CD4: variants seen among roughly 807,000 people sequenced by gnomAD.
The protein encoded by CD4 is T-cell surface glycoprotein CD4.
In CD4, 25 loss-of-function variants were observed where a neutral mutation model predicts 50.5. The ratio of observed to expected loss-of-function variants is 0.49; its 90% CI spans 0.36 to 0.69. The LOEUF (loss-of-function observed/expected upper bound fraction) is 0.69. CD4 is among the 30% of genes least tolerant of loss of function. The pLI is 0.00. For synonymous variants in CD4, 207 were observed against 221.9 expected (o/e 0.93, Z 0.60); for missense variants, 456 against 548.5 (o/e 0.83, Z 1.68).
At chr12:6,805,964 A>T (rs1312447647) in intron 3 of CD4, among the ~76,000 whole-genome samples, 1 of 151,980 alleles carries the variant, frequency 6.6e-6, no homozygotes, top group Non-Finnish European at 1.5e-5. Context: ...AAAAACAAAA[A>T]CAAAACCAAA....
chr12:6,804,110 CAAAATAAATAAA>C (rs1251119886), intron 3 of CD4, among the ~76,000 whole-genome samples: 5 of 89,782 alleles, frequency 5.6e-5, no homozygotes, highest in African/African-American at 2.2e-4. Flanking sequence ...GACTCTGTCT[CAAAATAAATAAA>C]TAAATAAATA....
At chr12:6,793,970 ATATCTATC>A (rs35782413) in intron 1 of CD4, among the ~76,000 whole-genome samples, 2 of 133,920 alleles carry the variant, frequency 1.5e-5, no homozygotes, top group East Asian at 2.1e-4. Flanking sequence ...CTATCTATCT[ATATCTATC>A]TATCTATCTA....
Position 6,790,056 on chromosome 12 carries a change from A to G in CD4, c.-68+394A>G, listed in dbSNP as rs28989525. Among the ~76,000 whole-genome samples, 443 of 152,272 alleles carry G rather than the reference A, an allele frequency of 2.9e-3. 5 individuals are homozygous for G. Among genetic ancestry groups the G allele is most frequent in the Admixed American group, 0.018 (277 of 15,290 alleles). ...GAAGAGGGGAAAAGAGGAGAAAAAG[A>G]GTGAAGAAGGGGAGGGAAAAAATTA... On this transcript the variant is annotated intron_variant, in intron 1 of 9. Transcript: ENST00000011653.
rs567960229 is a variant in CD4, at chr12:6,800,914, A to T, written c.214+443A>T. ...TCTCTATGAAAAAAAATATATATAT[A>T]TTTTTTTTGGAGACAAGGTCTAGTT... On this transcript the variant is annotated intron_variant, in intron 3 of 9. Transcript: ENST00000011653. Among the ~76,000 whole-genome samples the T allele has an allele frequency of 3.7e-4, 54 of 147,162 alleles. No homozygotes were observed. The South Asian group carries it at 6.8e-3, about 18-fold the overall frequency.
chr12:6,795,766 G>T (rs553738964), intron 1 of CD4, among the ~76,000 whole-genome samples: 1 of 152,200 alleles, frequency 6.6e-6, no homozygotes, highest in Non-Finnish European at 1.5e-5. Context: ...CCCAGGGCAG[G>T]GATAGAGTAG....
intron 3 of CD4, among the ~76,000 whole-genome samples, chr12:6,804,791 C>T (rs895268053): frequency 6.6e-5 from 10 of 151,536 alleles, no homozygotes; most frequent in African/African-American, 1.7e-4. Flanking sequence ...CTGAGGCGGG[C>T]GGATCATGAG....
chr12:6,793,060 C>T (rs1305647753), intron 1 of CD4, among the ~76,000 whole-genome samples: 2 of 152,074 alleles, frequency 1.3e-5, no homozygotes, highest in Non-Finnish European at 2.9e-5. Flanking sequence ...AGGATGCTAC[C>T]GTACTAGGGT....
intron 1 of CD4, among the ~76,000 whole-genome samples, chr12:6,793,686 A>G (rs1418331110): frequency 2.1e-5 from 2 of 95,118 alleles, no homozygotes; most frequent in African/African-American, 9.3e-5. Context: ...CTATCTATCT[A>G]TCTATCTATC....
Position 6,814,193 on chromosome 12 carries a change from A to G in CD4, c.266A>G (p.Gln89Arg). The change falls in exon 4 of 10, where the codon CAA becomes CGA. Residue 89 changes from glutamine to arginine, a missense_variant. Physicochemically the swap from Gln to Arg is conservative, Grantham distance 43 (BLOSUM62 1). Transcript: ENST00000011653. ...RADSRRSLWDQGNFPLIIKNL... is the reference protein window; with the variant it reads ...RADSRRSLWDRGNFPLIIKNL... Reference sequence around the variant, plus strand: ...GACTCAAGAAGAAGCCTTTGGGACCAAGGAAACTTTCCCCTGATCATCAAG... The same window carrying G: ...GACTCAAGAAGAAGCCTTTGGGACCGAGGAAACTTTCCCCTGATCATCAAG... The G allele has an allele frequency of 3.1e-6, 5 of 1,614,150 alleles. No individual in the cohort carries two copies. The South Asian group carries it at 3.3e-5, about 11-fold the overall frequency.
rs144413418 is a variant in CD4 at position 6,800,176 on chromosome 12, T to C, written c.38T>C (p.Val13Ala). The C allele has an allele frequency of 6.9e-5, 111 of 1,613,192 alleles. No individual in the cohort carries two copies. The African/African-American group carries it at 1.4e-3, about 20-fold the overall frequency. ...GTCCCTTTTAGGCACTTGCTTCTGG[T>C]GCTGCAACTGGGTAAGTTCTCAGAC... ...RGVPFRHLLL[V>A]LQLALLPAAT... The change falls in exon 2 of 10, where the codon GTG (valine) becomes GCG (alanine). Residue 13 changes from valine to alanine, a missense_variant. Coordinates refer to ENST00000011653, the MANE Select transcript of CD4 (RefSeq NM_000616.5).
chr12:6,815,870 G>T, intron 5 of CD4, 186 bp from the exon 6 acceptor site: 1 of 1,519,088 alleles, frequency 6.6e-7, no homozygotes, highest in South Asian at 1.2e-5. Context: ...GTAGGAAAAT[G>T]CTGGGTGGAA....
rs782493725 is a variant in CD4, at chr12:6,800,109, C to A, written c.-30C>A. 1 of 1,611,320 alleles carries A rather than the reference C, an allele frequency of 6.2e-7. No homozygotes were observed. The highest frequency in any genetic ancestry group is 1.3e-5 in the African/African-American group (1 of 74,898). On this transcript the variant is annotated 5_prime_UTR_variant, in exon 2 of 10. Transcript: ENST00000011653. The stretch of plus-strand genomic sequence containing the variant: ...CTGTGGGCTCAGGTCCCTACTGGCT[C>A]AGGCCCCTGCCTCCCTCGGCAAGGC...
intron 3 of CD4, among the ~76,000 whole-genome samples, chr12:6,802,274 C>T (rs1426668114): frequency 6.6e-6 from 1 of 151,862 alleles, no homozygotes; most frequent in African/African-American, 2.4e-5. Context: ...ACTTCTATCA[C>T]TCAGAGATAT....
intron 3 of CD4, among the ~76,000 whole-genome samples, chr12:6,809,316 C>A (rs536492542): frequency 6.6e-6 from 1 of 151,984 alleles, no homozygotes; most frequent in Non-Finnish European, 1.5e-5. Context: ...GGCAACAGGG[C>A]GAAACCTCGT....
At chr12:6,811,677 T>C (rs1942944177) in intron 3 of CD4, among the ~76,000 whole-genome samples, 1 of 150,936 alleles carries the variant, frequency 6.6e-6, no homozygotes, top group Non-Finnish European at 1.5e-5. Flanking sequence ...TTTTCTTTTT[T>C]TTTTTGGTAT....
At chr12:6,793,975 T>TATCTATCTATC (rs1481074005) in intron 1 of CD4, among the ~76,000 whole-genome samples, 68 of 151,298 alleles carry the variant, frequency 4.5e-4, no homozygotes, top group African/African-American at 1.6e-3. Flanking sequence ...TATCTATATC[T>TATCTATCTATC]ATCTATCTAT....
At position 6,794,783 on chromosome 12, in the gene CD4, TTTG is replaced by T. The variant is rs1464316104; in HGVS notation, c.-68+5124_-68+5126del. 3.2e-4 allele frequency among the ~76,000 whole-genome samples: 42 copies of T among 132,028 alleles called. 8 individuals are homozygous for T. The highest frequency in any genetic ancestry group is 1.6e-3 in the East Asian group (7 of 4,298). The allele number at this position is 132,028 out of a possible 152,430, so 86.6% of individuals were successfully genotyped here. ...TATCTGTCTGTATGTCTGTTTTTTT[TTTG>T]TTTTTTTTTTTTTTTTGAGATAGAG... On this transcript the variant is annotated intron_variant, in intron 1 of 9. Transcript: ENST00000011653.
At chr12:6,817,913 ACT>A (rs1436471796) in intron 7 of CD4, among the ~76,000 whole-genome samples, 4 of 151,614 alleles carry the variant, frequency 2.6e-5, no homozygotes, top group Non-Finnish European at 5.9e-5. Context: ...TCACCCACAC[ACT>A]GTCGTACACG....
Position 6,791,636 on chromosome 12 carries a change from T to C in CD4, c.-68+1974T>C, listed in dbSNP as rs143486544. Among the ~76,000 whole-genome samples the C allele has an allele frequency of 4.3e-3, 655 of 152,294 alleles. 5 individuals are homozygous for C. Among genetic ancestry groups the C allele is most frequent in the African/African-American group, 0.015 (621 of 41,570 alleles). On this transcript the variant is annotated intron_variant, in intron 1 of 9. Transcript: ENST00000011653. ...TGGCCCACACCAGTAATCCCAGCCC[T>C]TTGAGAGGCCGAGGCAGGAGGATGG... is the stretch of plus-strand genomic sequence containing the variant.
Sources: allele counts gnomAD v4.1 joint callset (sites outside exome capture counted in the v4.1 genomes callset), GRCh38; gene constraint gnomAD v4.1.1; transcripts MANE v1.5; gene names NCBI Gene and HGNC (gene_info 2026-07-23, HGNC 2026-07-21).